Variants in GRIA4 observed in about 807,000 individuals in gnomAD.
GRIA4 encodes the protein glutamate ionotropic receptor AMPA type subunit 4.
GRIA4 carries 34 observed loss-of-function variants against 104.0 expected under a neutral mutation model. That is an observed-to-expected ratio of 0.33 (90% confidence interval 0.25 to 0.44). The LOEUF (loss-of-function observed/expected upper bound fraction) is 0.44. GRIA4 is among the 20% of genes least tolerant of loss of function. The pLI, the probability that GRIA4 is intolerant of heterozygous loss-of-function variation, is 1.00. For synonymous variants in GRIA4, 386 were observed against 381.9 expected, an observed-to-expected ratio of 1.01 and a Z score of -0.13; for missense variants, 750 against 1,096.5, an observed-to-expected ratio of 0.68 and a Z score of 4.46.
intron 4 of GRIA4, among the ~76,000 whole-genome samples, chr11:105,756,949 T>G (rs1169215175): frequency 6.6e-6 from 1 of 152,144 alleles, no homozygotes; most frequent in Non-Finnish European, 1.5e-5. Flanking sequence ...GAGCATACAT[T>G]ACTGCCTTCC....
chr11:105,926,240 G>A (rs1947701673), intron 12 of GRIA4, among the ~76,000 whole-genome samples: 1 of 152,066 alleles, frequency 6.6e-6, no homozygotes, highest in Admixed American at 6.6e-5. Flanking sequence ...ATTTCCTTTA[G>A]TCTCAGAAAG....
At chr11:105,958,763 A>G (rs1817896029) in intron 14 of GRIA4, among the ~76,000 whole-genome samples, 1 of 151,978 alleles carries the variant, frequency 6.6e-6, no homozygotes, top group Admixed American at 6.6e-5. Flanking sequence ...TTTCCCTTCC[A>G]TATTTAGTGT....
rs71041629 is a variant in GRIA4, at chr11:105,794,473, GTATATATA to G, written c.487+41286_487+41293del. 5.7e-3 allele frequency among the ~76,000 whole-genome samples: 250 copies of G among 43,888 alleles called. 3 individuals are homozygous for G. Among genetic ancestry groups the G allele is most frequent in the African/African-American group, 0.013 (133 of 9,974 alleles). The allele number at this position is 43,888 out of a possible 152,430, so 28.8% of individuals were successfully genotyped here. A position where few individuals can be genotyped will look rare whatever the true frequency, so the allele number is the denominator to read the frequency against. On this transcript the variant is annotated intron_variant, in intron 4 of 16. Coordinates refer to ENST00000282499, the MANE Select transcript of GRIA4 (RefSeq NM_000829.4). Reference sequence around the variant, plus strand: ...TGTGTCTGTGTGTGTGTATATGTATGTATATATATATATATATATATATATATATATAT... The same window carrying G: ...TGTGTCTGTGTGTGTGTATATGTATGTATATATATATATATATATATATAT...
chr11:105,653,406 A>C (rs1051287189), intron 3 of GRIA4, among the ~76,000 whole-genome samples: 1 of 152,170 alleles, frequency 6.6e-6, no homozygotes, highest in Non-Finnish European at 1.5e-5. Context: ...TGAGTAACCA[A>C]TAGGCGGGCA....
intron 4 of GRIA4, among the ~76,000 whole-genome samples, chr11:105,763,964 A>G (rs1162160208): frequency 6.6e-6 from 1 of 152,216 alleles, no homozygotes; most frequent in Non-Finnish European, 1.5e-5. Context: ...GATTTGAACT[A>G]TGACTCATTT....
chr11:105,872,101 G>C (rs371179436), intron 5 of GRIA4, among the ~76,000 whole-genome samples: 1 of 152,034 alleles, frequency 6.6e-6, no homozygotes, highest in African/African-American at 2.4e-5. Context: ...AGACTTCACT[G>C]TACATTAGCA....
Position 105,724,126 on chromosome 11 carries a change from A to T in GRIA4, c.248-28855A>T, listed in dbSNP as rs1938022885. Among the ~76,000 whole-genome samples the T allele has an allele frequency of 2.0e-5, 3 of 152,192 alleles. No homozygotes were observed. The South Asian group carries it at 6.2e-4, about 32-fold the overall frequency. Reference sequence around the variant, plus strand: ...TGGAGATTCCCAAAGAACTAAAACCAGAACTACCGTTCAATCTAGCAATCC... The same window carrying T: ...TGGAGATTCCCAAAGAACTAAAACCTGAACTACCGTTCAATCTAGCAATCC... On this transcript the variant is annotated intron_variant, in intron 3 of 16. Coordinates refer to ENST00000282499, the MANE Select transcript of GRIA4 (RefSeq NM_000829.4).
chr11:105,880,412 C>G lies in GRIA4; in HGVS notation c.673-7107C>G, dbSNP rs142023645. On this transcript the variant is annotated intron_variant, in intron 5 of 16. Coordinates refer to ENST00000282499, the MANE Select transcript of GRIA4 (RefSeq NM_000829.4). The stretch of plus-strand genomic sequence containing the variant: ...GGTGGGATAAAGGGGTGGCATGGAA[C>G]GAACACAGGACAAGGAATCAAACAG... Among the ~76,000 whole-genome samples the G allele has an allele frequency of 1.3e-4, 20 of 152,250 alleles. 1 individual carries two copies. The highest frequency in any genetic ancestry group is 3.4e-4 in the African/African-American group (14 of 41,540).
At chr11:105,753,321 T>C (rs774849284) in intron 4 of GRIA4, 101 bp downstream of exon 4, 3 of 1,004,998 alleles carry the variant, frequency 3.0e-6, no homozygotes, top group Non-Finnish European at 4.5e-6. Flanking sequence ...ATCTCTAACA[T>C]CACTAAAATC....
intron 13 of GRIA4, among the ~76,000 whole-genome samples, chr11:105,927,943 T>C (rs1227489847): frequency 6.6e-6 from 1 of 152,008 alleles, no homozygotes; most frequent in East Asian, 1.9e-4. Context: ...TATTACTTTC[T>C]AAGCTTTCAT....
chr11:105,656,154 T>C (rs1951838052), intron 3 of GRIA4, among the ~76,000 whole-genome samples: 1 of 152,196 alleles, frequency 6.6e-6, no homozygotes, highest in South Asian at 2.1e-4. Flanking sequence ...TCTGTTTATA[T>C]CCTTTGCCTA....
intron 4 of GRIA4, among the ~76,000 whole-genome samples, chr11:105,762,700 C>T (rs555255386): frequency 3.9e-5 from 6 of 152,246 alleles, no homozygotes; most frequent in African/African-American, 1.2e-4. Context: ...ATAAGTCTCA[C>T]GAGATCTGAT....
intron 3 of GRIA4, chr11:105,613,977 A>C (rs1591439334): frequency 6.6e-6 from 1 of 151,974 alleles, no homozygotes; most frequent in Non-Finnish European, 1.5e-5. Flanking sequence ...CTCAGTTAAT[A>C]GTTTTATGTT....
At chr11:105,736,576 C>T (rs1234713129) in intron 3 of GRIA4, among the ~76,000 whole-genome samples, 1 of 152,014 alleles carries the variant, frequency 6.6e-6, no homozygotes, top group Admixed American at 6.6e-5. Context: ...ATCTCATAAA[C>T]ACCTGATATA....
intron 3 of GRIA4, among the ~76,000 whole-genome samples, chr11:105,697,722 G>T (rs921810409): frequency 6.6e-6 from 1 of 152,140 alleles, no homozygotes. Flanking sequence ...TAAGAGTGGG[G>T]GGAGGGGTGG....
At position 105,897,450 on chromosome 11, in the gene GRIA4, T is replaced by C. The variant is rs190689611; in HGVS notation, c.727-819T>C. Among the ~76,000 whole-genome samples, 275 of 152,212 alleles carry C rather than the reference T, an allele frequency of 1.8e-3. 1 individual carries two copies. Among genetic ancestry groups the C allele is most frequent in the South Asian group, 8.3e-3 (40 of 4,824 alleles). On this transcript the variant is annotated intron_variant, in intron 6 of 16. Coordinates refer to ENST00000282499, the MANE Select transcript of GRIA4 (RefSeq NM_000829.4). ...CTAGGATTGGAGGTACTATGTTAAA[T>C]ACGAGTGGTGAGAGTGGACATCCTT...
chr11:105,722,833 A>C (rs1937921701), intron 3 of GRIA4, among the ~76,000 whole-genome samples: 1 of 152,154 alleles, frequency 6.6e-6, no homozygotes, highest in South Asian at 2.1e-4. Flanking sequence ...TTAAGATTTA[A>C]TCTCTTCCAC....
Position 105,615,192 on chromosome 11 carries a change from C to A in GRIA4, c.247+2758C>A, listed in dbSNP as rs1420694732. ...TTGTGGAATGTATACTCAAAAAAAACACAAAGAATAAAGCGTGTTAGTTAT... is the reference window on the plus strand; with the variant it reads ...TTGTGGAATGTATACTCAAAAAAAAAACAAAGAATAAAGCGTGTTAGTTAT... On this transcript the variant is annotated intron_variant, in intron 3 of 16. Transcript: ENST00000282499. Among the ~76,000 whole-genome samples, 4 of 151,776 alleles carry A rather than the reference C, an allele frequency of 2.6e-5. No homozygotes were observed. In the East Asian group the frequency reaches 7.7e-4, roughly 29 times the overall value.
chr11:105,881,013 G>A (rs1946033590), intron 5 of GRIA4, among the ~76,000 whole-genome samples: 1 of 152,190 alleles, frequency 6.6e-6, no homozygotes, highest in Non-Finnish European at 1.5e-5. Flanking sequence ...TGTGCACACA[G>A]TTTGTTTGGG....
Sources: allele counts gnomAD v4.1 joint callset (sites outside exome capture counted in the v4.1 genomes callset), GRCh38; gene constraint gnomAD v4.1.1; transcripts MANE v1.5; gene names NCBI Gene and HGNC (gene_info 2026-07-23, HGNC 2026-07-21).